The following SIPA1L1 variants were observed in gnomAD, a reference collection of about 807,000 sequenced individuals.
SIPA1L1 encodes signal-induced proliferation-associated 1-like protein 1.
Under a neutral mutation model 162.7 loss-of-function variants are expected in SIPA1L1, and 26 were observed. The ratio of observed to expected loss-of-function variants is 0.16; its 90% confidence interval spans 0.12 to 0.22. SIPA1L1 has a LOEUF of 0.22. SIPA1L1 is among the 10% of genes least tolerant of loss of function. SIPA1L1 has a pLI of 1.00. For missense variants in SIPA1L1, 1,874 were observed against 2,241.0 expected (o/e 0.84, Z 3.31); for synonymous variants, 829 against 837.4 (o/e 0.99, Z 0.17).
intron 2 of SIPA1L1, among the ~76,000 whole-genome samples, chr14:71,346,954 A>G (rs1195157405): frequency 6.6e-6 from 1 of 150,538 alleles, no homozygotes; most frequent in Non-Finnish European, 1.5e-5. Context: ...AGCAATATGT[A>G]GTCTTTTTTT....
chr14:71,600,567 C>T lies in SIPA1L1; in HGVS notation c.1498+11197C>T, dbSNP rs566606381. ...TCATTCTTTTTGCTCTGGATTGTTTCGTCTCTTCTGCCTCTTTTTTGGTTC... is the reference window on the plus strand; with the variant it reads ...TCATTCTTTTTGCTCTGGATTGTTTTGTCTCTTCTGCCTCTTTTTTGGTTC... On this transcript the variant is annotated intron_variant, in intron 5 of 23. Coordinates refer to ENST00000381232, the MANE Select transcript of SIPA1L1 (RefSeq NM_001386936.1). Among the ~76,000 whole-genome samples, 14 of 152,018 alleles carry T rather than the reference C, an allele frequency of 9.2e-5. No homozygotes were observed. The East Asian group carries it at 1.7e-3, about 19-fold the overall frequency.
At position 71,334,375 on chromosome 14, in the gene SIPA1L1, G is replaced by A. The variant is rs1365056050; in HGVS notation, c.-465+13194G>A. 3.9e-5 allele frequency among the ~76,000 whole-genome samples: 6 copies of A among 152,212 alleles called. 1 individual carries two copies. The South Asian group carries it at 1.0e-3, about 26-fold the overall frequency. ...AACTCATAGGCCACATTGTATTGTG[G>A]AAAGTTAGCATATGCCCTCCAAAGC... On this transcript the variant is annotated intron_variant, in intron 2 of 23. Coordinates refer to ENST00000381232, the MANE Select transcript of SIPA1L1 (RefSeq NM_001386936.1).
At position 71,535,393 on chromosome 14, in the gene SIPA1L1, G is replaced by A. The variant is rs77310297; in HGVS notation, c.-303+6023G>A. 2.3e-4 allele frequency among the ~76,000 whole-genome samples: 35 copies of A among 152,308 alleles called. No homozygotes were observed. In the East Asian group the frequency reaches 5.8e-3, roughly 25 times the overall value. On this transcript the variant is annotated intron_variant, in intron 4 of 23. Transcript: ENST00000381232. ...GAAGTGTTTTTCTTATGCAGGGCAT[G>A]TTTCTCTATGTAAGCATGAATTTTC...
chr14:71,694,347 C>T (rs901736458), intron 13 of SIPA1L1, among the ~76,000 whole-genome samples: 4 of 152,128 alleles, frequency 2.6e-5, no homozygotes, highest in African/African-American at 4.8e-5. Context: ...CCAACCCCTT[C>T]AACTCTCTGT....
intron 6 of SIPA1L1, among the ~76,000 whole-genome samples, chr14:71,621,469 T>G (rs1254280819): frequency 6.6e-6 from 1 of 152,178 alleles, no homozygotes; most frequent in East Asian, 1.9e-4. Flanking sequence ...CAGATGCCCG[T>G]CATTCCTCCC....
chr14:71,712,620 A>T (rs1488035396), intron 17 of SIPA1L1, among the ~76,000 whole-genome samples: 1 of 152,076 alleles, frequency 6.6e-6, no homozygotes, highest in Non-Finnish European at 1.5e-5. Flanking sequence ...TTTTCTTCTT[A>T]GCGTTCTGGC....
intron 2 of SIPA1L1, among the ~76,000 whole-genome samples, chr14:71,505,113 G>A (rs1009048499): frequency 3.3e-5 from 5 of 152,018 alleles, no homozygotes; most frequent in African/African-American, 1.2e-4. Flanking sequence ...ATATTTTGTA[G>A]TTTAAAAAAC....
intron 2 of SIPA1L1, among the ~76,000 whole-genome samples, chr14:71,504,749 T>C (rs2050519752): frequency 6.6e-6 from 1 of 152,198 alleles, no homozygotes. Flanking sequence ...GAATTTTAGA[T>C]CCATTCCAAA....
At chr14:71,326,543 T>C (rs1383138055) in intron 2 of SIPA1L1, among the ~76,000 whole-genome samples, 1 of 151,848 alleles carries the variant, frequency 6.6e-6, no homozygotes, top group Non-Finnish European at 1.5e-5. Flanking sequence ...TCTGAACTGC[T>C]CAGAAAGAAG....
intron 4 of SIPA1L1, among the ~76,000 whole-genome samples, chr14:71,537,056 C>G (rs1790794922): frequency 6.6e-6 from 1 of 152,118 alleles, no homozygotes; most frequent in Admixed American, 6.5e-5. Context: ...TTTTCTTGCA[C>G]AGCTCTCATT....
At chr14:71,389,673 T>G (rs1248507930) in intron 2 of SIPA1L1, among the ~76,000 whole-genome samples, 1 of 152,220 alleles carries the variant, frequency 6.6e-6, no homozygotes, top group Non-Finnish European at 1.5e-5. Flanking sequence ...TCTTTGGTAA[T>G]AGGCAGTGTT....
At position 71,372,934 on chromosome 14, in the gene SIPA1L1, T is replaced by C. The variant is rs78947199; in HGVS notation, c.-465+51753T>C. Among the ~76,000 whole-genome samples the C allele has an allele frequency of 0.012, 1,881 of 152,258 alleles. 161 individuals are homozygous for C. The East Asian group carries it at 0.23, about 18-fold the overall frequency. ...TAACATTTTTCATTTAATTGAAATGTTTCTGATTGGATGGAACTGTGGATA... is the reference window on the plus strand; with the variant it reads ...TAACATTTTTCATTTAATTGAAATGCTTCTGATTGGATGGAACTGTGGATA... On this transcript the variant is annotated intron_variant, in intron 2 of 23. Coordinates refer to ENST00000381232, the MANE Select transcript of SIPA1L1 (RefSeq NM_001386936.1).
intron 13 of SIPA1L1, among the ~76,000 whole-genome samples, chr14:71,697,632 G>C (rs116869204): frequency 1.4e-3 from 210 of 152,356 alleles, no homozygotes; most frequent in Non-Finnish European, 2.5e-3. Context: ...GTTTAGGAGA[G>C]AGCCGGAGAC....
intron 2 of SIPA1L1, among the ~76,000 whole-genome samples, chr14:71,454,540 G>A (rs569225647): frequency 6.6e-6 from 1 of 152,250 alleles, no homozygotes; most frequent in Admixed American, 6.5e-5. Context: ...TAATACCATA[G>A]CAGCAAAGAG....
intron 10 of SIPA1L1, among the ~76,000 whole-genome samples, chr14:71,667,252 C>T (rs141364049): frequency 1.3e-5 from 2 of 152,218 alleles, no homozygotes; most frequent in African/African-American, 2.4e-5. Context: ...ACACATTCCC[C>T]TTTCCCTCCA....
At chr14:71,601,300 T>C (rs2036719913) in intron 5 of SIPA1L1, among the ~76,000 whole-genome samples, 1 of 152,156 alleles carries the variant, frequency 6.6e-6, no homozygotes, top group African/African-American at 2.4e-5. Context: ...GTTTTTATCA[T>C]GAAGGGATGC....
chr14:71,642,918 C>T (rs1486557783), intron 7 of SIPA1L1, among the ~76,000 whole-genome samples: 3 of 148,800 alleles, frequency 2.0e-5, no homozygotes, highest in Non-Finnish European at 4.4e-5. Flanking sequence ...TAGACATTGT[C>T]GAAGAAAGGA....
chr14:71,654,723 T>C (rs1342766330), intron 8 of SIPA1L1, among the ~76,000 whole-genome samples: 1 of 152,216 alleles, frequency 6.6e-6, no homozygotes, highest in Non-Finnish European at 1.5e-5. Context: ...TGAATTTACT[T>C]ATTAATTAAA....
At chr14:71,480,935 A>G (rs2048309375) in intron 2 of SIPA1L1, among the ~76,000 whole-genome samples, 1 of 152,216 alleles carries the variant, frequency 6.6e-6, no homozygotes, top group Non-Finnish European at 1.5e-5. Context: ...AAAATTAACA[A>G]TTTAAAGTGA....
Sources: allele counts gnomAD v4.1 joint callset (sites outside exome capture counted in the v4.1 genomes callset), GRCh38; gene constraint gnomAD v4.1.1; transcripts MANE v1.5; gene names NCBI Gene and HGNC (gene_info 2026-07-23, HGNC 2026-07-21).